Variants in RPS6KC1 observed in about 807,000 individuals in gnomAD.
The protein encoded by RPS6KC1 is ribosomal protein S6 kinase C1, also known as inactive ribosomal protein S6 kinase delta-1.
A neutral mutation model predicts 103.8 loss-of-function variants in RPS6KC1; 54 were observed. The observed-to-expected ratio is 0.52, with a 90% CI of 0.42 to 0.65. The LOEUF is 0.65. Among genes scored for constraint, RPS6KC1 ranks in the 30% least tolerant of loss-of-function variants. The pLI, the probability that RPS6KC1 is intolerant of heterozygous loss-of-function variation, is 0.00. For synonymous variants in RPS6KC1, 439 were observed against 438.7 expected (o/e 1.00, Z -0.01); for missense variants, 1,151 against 1,253.8 (o/e 0.92, Z 1.24).
the RPS6KC1 span, among the ~76,000 whole-genome samples, chr1:213,327,881 G>A: frequency 3.9e-5 from 6 of 151,974 alleles, no homozygotes; most frequent in Non-Finnish European, 7.4e-5. Flanking sequence ...AGTCTTGGTC[G>A]TCTCATCAGT....
intron 8 of RPS6KC1, among the ~76,000 whole-genome samples, chr1:213,221,981 A>T (rs1356428469): frequency 6.6e-6 from 1 of 152,188 alleles, no homozygotes; most frequent in Non-Finnish European, 1.5e-5. Flanking sequence ...AGCCTGAAGA[A>T]CTCAACCTGC....
the RPS6KC1 span, among the ~76,000 whole-genome samples, chr1:213,492,944 G>T: frequency 6.6e-6 from 1 of 152,172 alleles, no homozygotes. Context: ...TAAAAGTAGA[G>T]CCGCATTCTA....
At chr1:213,144,406 G>A (rs185476915) in intron 6 of RPS6KC1, among the ~76,000 whole-genome samples, 104 of 152,148 alleles carry the variant, frequency 6.8e-4, no homozygotes, top group Non-Finnish European at 1.0e-4. Flanking sequence ...CTTCAGAGTA[G>A]CTGGGATTAT....
chr1:213,829,905 A>G, the RPS6KC1 span, among the ~76,000 whole-genome samples: 1 of 152,238 alleles, frequency 6.6e-6, no homozygotes, highest in African/African-American at 2.4e-5. Flanking sequence ...TGTGCCTATT[A>G]GGATGACAGC....
the RPS6KC1 span, among the ~76,000 whole-genome samples, chr1:213,755,093 G>A: frequency 2.0e-5 from 3 of 152,180 alleles, no homozygotes; most frequent in Non-Finnish European, 4.4e-5. Context: ...TCTTCAGGAA[G>A]GAGTTCAATT....
intron 8 of RPS6KC1, among the ~76,000 whole-genome samples, chr1:213,179,340 G>A (rs1558485656): frequency 2.0e-5 from 3 of 151,850 alleles, no homozygotes; most frequent in East Asian, 2.0e-4. Context: ...GTGTGAACCC[G>A]GGAGGTGGAG....
chr1:213,319,652 A>G, the RPS6KC1 span, among the ~76,000 whole-genome samples: 2 of 152,216 alleles, frequency 1.3e-5, no homozygotes, highest in Non-Finnish European at 2.9e-5. Flanking sequence ...TCAGTTCATA[A>G]TAACTGAATT....
At chr1:213,410,187 G>T in the RPS6KC1 span, among the ~76,000 whole-genome samples, 5 of 152,296 alleles carry the variant, frequency 3.3e-5, no homozygotes, top group Admixed American at 1.3e-4. Flanking sequence ...ACTTGAGCAT[G>T]TTTAGGATGC....
chr1:213,523,801 A>G, the RPS6KC1 span, among the ~76,000 whole-genome samples: 1 of 152,158 alleles, frequency 6.6e-6, no homozygotes, highest in African/African-American at 2.4e-5. Context: ...GAAAACCTGC[A>G]CCCCGATCTA....
chr1:213,357,618 T>C, the RPS6KC1 span, among the ~76,000 whole-genome samples: 1 of 152,226 alleles, frequency 6.6e-6, no homozygotes, highest in African/African-American at 2.4e-5. Flanking sequence ...ACTGGCTCTT[T>C]GTATGACCAC....
chr1:213,750,298 C>T, the RPS6KC1 span, among the ~76,000 whole-genome samples: 1 of 152,342 alleles, frequency 6.6e-6, no homozygotes, highest in Admixed American at 6.5e-5. Flanking sequence ...ATACACTGGT[C>T]AGTTTTCAAA....
At chr1:213,780,853 T>C in the RPS6KC1 span, among the ~76,000 whole-genome samples, 1 of 152,102 alleles carries the variant, frequency 6.6e-6, no homozygotes, top group Non-Finnish European at 1.5e-5. Context: ...GTGAAACCCA[T>C]TTCTACTAAA....
the RPS6KC1 span, among the ~76,000 whole-genome samples, chr1:213,280,443 G>A: frequency 1.3e-5 from 2 of 152,328 alleles, no homozygotes; most frequent in Admixed American, 6.5e-5. Context: ...TGGAAATTCA[G>A]TATTTAGTCC....
At chr1:213,065,633 T>A (rs1558247008) in intron 1 of RPS6KC1, among the ~76,000 whole-genome samples, 1 of 152,220 alleles carries the variant, frequency 6.6e-6, no homozygotes, top group Non-Finnish European at 1.5e-5. Flanking sequence ...ACTGAATCCC[T>A]AATAGTGGGG....
chr1:213,747,880 G>T, the RPS6KC1 span, among the ~76,000 whole-genome samples: 3 of 152,196 alleles, frequency 2.0e-5, no homozygotes, highest in South Asian at 2.1e-4. Flanking sequence ...ACTACTAAGT[G>T]CCTACAAAAG....
At chr1:213,694,520 T>A in the RPS6KC1 span, among the ~76,000 whole-genome samples, 1 of 152,194 alleles carries the variant, frequency 6.6e-6, no homozygotes. Context: ...AACTATATGT[T>A]AAATATGACA....
At chr1:213,772,870 T>A in the RPS6KC1 span, among the ~76,000 whole-genome samples, 1 of 152,216 alleles carries the variant, frequency 6.6e-6, no homozygotes, top group South Asian at 2.1e-4. Context: ...TTCTGTTCTC[T>A]CTGCTATAAA....
intron 2 of RPS6KC1, among the ~76,000 whole-genome samples, chr1:213,074,491 T>TG (rs1251356350): frequency 6.6e-6 from 1 of 152,206 alleles, no homozygotes; most frequent in African/African-American, 2.4e-5. Flanking sequence ...CATCAGTACT[T>TG]GCTGTTGTAG....
rs749524386 is a variant in RPS6KC1, at chr1:213,117,417, G to T, written c.472+7G>T. The T allele has an allele frequency of 1.0e-5, 16 of 1,565,382 alleles. No homozygotes were observed. Among genetic ancestry groups the T allele is most frequent in the African/African-American group, 2.7e-5 (2 of 72,860 alleles). On this transcript the variant is annotated splice_region_variant and intron_variant, in intron 5 of 14. Transcript: ENST00000366960. ...CCTGAGTGTAGTACGGAAGGTAAGA[G>T]ATTTTAATTTTTTTGCATTTCAAAG... is the stretch of plus-strand genomic sequence containing the variant.
Sources: allele counts gnomAD v4.1 joint callset (sites outside exome capture counted in the v4.1 genomes callset), GRCh38; gene constraint gnomAD v4.1.1; transcripts MANE v1.5; gene names NCBI Gene and HGNC (gene_info 2026-07-23, HGNC 2026-07-21).